The following UACA variants were observed in gnomAD, a reference collection of about 807,000 sequenced individuals.
The protein encoded by UACA is uveal autoantigen with coiled-coil domains and ankyrin repeats, also known as nuclear membrane binding protein.
UACA carries 112 observed loss-of-function variants against 160.5 expected under a neutral mutation model. The observed-to-expected ratio is 0.70, with a 90% CI of 0.60 to 0.82. The LOEUF is 0.82. Ranked by LOEUF, UACA falls within the 40% of genes least tolerant of loss-of-function variation. The pLI, the probability that UACA is intolerant of heterozygous loss-of-function variation, is 0.00. For missense variants in UACA, 1,574 were observed against 1,614.6 expected (o/e 0.97, Z 0.43); for synonymous variants, 557 against 568.4 (o/e 0.98, Z 0.29).
Position 70,668,435 on chromosome 15 carries a change from C to A in UACA, c.2249G>T (p.Ser750Ile). Residue 750 changes from serine (S) to isoleucine (I), a missense_variant, in exon 16 of 19, where the codon AGT becomes ATT. By Grantham distance (142) the Ser-to-Ile change is moderately radical. Coordinates refer to ENST00000322954, the MANE Select transcript of UACA (RefSeq NM_018003.4). ...MKNHYVPLKV[S>I]EDMKKSHDAI... ...ATCATGTGACTTTTTCATGTCTTCACTTACTTTTAAAGGAACATAATGATT... is the reference window on the plus strand; with the variant it reads ...ATCATGTGACTTTTTCATGTCTTCAATTACTTTTAAAGGAACATAATGATT... The A allele has an allele frequency of 6.2e-7, 1 of 1,612,140 alleles. No individual in the cohort carries two copies. The highest frequency in any genetic ancestry group is 1.1e-5 in the South Asian group (1 of 90,846).
chr15:70,664,540 A>G (rs954252513), intron 17 of UACA, 122 bp downstream of exon 17: 3 of 1,237,032 alleles, frequency 2.4e-6, no homozygotes, highest in African/African-American at 3.1e-5. Flanking sequence ...GCATATAAAA[A>G]TAATTATATT....
In UACA at chr15:70,696,471, C is replaced by T. The variant is rs1241005242; in HGVS notation, c.213-1366G>A. 2.0e-5 allele frequency among the ~76,000 whole-genome samples: 3 copies of T among 152,122 alleles called. 1 individual carries two copies. Among genetic ancestry groups the T allele is most frequent in the Non-Finnish European group, 4.4e-5 (3 of 68,016 alleles). ...AAAATCTGAAGATAGCTTACAAATT[C>T]GTTTCCAGATATTACAAGACTCAGT... is the stretch of plus-strand genomic sequence containing the variant. On this transcript the variant is annotated intron_variant, in intron 2 of 18. Coordinates refer to ENST00000322954, the MANE Select transcript of UACA (RefSeq NM_018003.4).
At chr15:70,751,001 G>A (rs546964968) in intron 1 of UACA, among the ~76,000 whole-genome samples, 1 of 152,096 alleles carries the variant, frequency 6.6e-6, no homozygotes, top group Admixed American at 6.6e-5. Flanking sequence ...TCATTGAATC[G>A]TTCACTTTAA....
chr15:70,679,340 T>C (rs950768180), intron 10 of UACA, among the ~76,000 whole-genome samples: 2 of 151,348 alleles, frequency 1.3e-5, no homozygotes, highest in Non-Finnish European at 2.9e-5. Flanking sequence ...GAGGCAGAGG[T>C]TGCAGTGAGC....
intron 5 of UACA, among the ~76,000 whole-genome samples, chr15:70,689,112 T>G (rs147892038): frequency 5.7e-4 from 87 of 152,226 alleles, no homozygotes; most frequent in African/African-American, 2.0e-3. Context: ...TCCACTAGGC[T>G]CTCTCCTCCT....
intron 9 of UACA, chr15:70,681,429 G>A (rs989800272): frequency 8.5e-5 from 13 of 152,186 alleles, no homozygotes; most frequent in African/African-American, 3.1e-4. Flanking sequence ...ATAAATGACG[G>A]AAACACAGTA....
In UACA at chr15:70,660,205, T is replaced by A. The variant is rs746078546; in HGVS notation, c.4125A>T (p.Arg1375Ser). The A allele has an allele frequency of 6.2e-7, 1 of 1,613,430 alleles. No individual in the cohort carries two copies. The highest frequency in any genetic ancestry group is 2.2e-5 in the East Asian group (1 of 44,848). ...AAATTGCAATTACTTCTTGGTGCTGTCTGTCAGCATCCTAGAAATGTGGAA... is the reference window on the plus strand; with the variant it reads ...AAATTGCAATTACTTCTTGGTGCTGACTGTCAGCATCCTAGAAATGTGGAA... ...SLEQQLADAD[R>S]QHQEVIAIYR... The change falls in exon 18 of 19, where the codon AGA (arginine) becomes AGT (serine). Residue 1375 changes from arginine (R) to serine (S), a missense_variant. By Grantham distance (110) the Arg-to-Ser change is moderately radical. Transcript: ENST00000322954.
chr15:70,709,560 T>G (rs1888822366), intron 1 of UACA, among the ~76,000 whole-genome samples: 1 of 152,186 alleles, frequency 6.6e-6, no homozygotes, highest in African/African-American at 2.4e-5. Context: ...TTTAAGTGTA[T>G]AAATGAAAAG....
At chr15:70,676,757 TA>T (rs1897315122) in intron 12 of UACA, among the ~76,000 whole-genome samples, 166 bp from the exon 13 acceptor site, 1 of 152,188 alleles carries the variant, frequency 6.6e-6, no homozygotes, top group South Asian at 2.1e-4. Context: ...TCTACAAATA[TA>T]CTAATGAAAC....
Position 70,654,609 on chromosome 15 carries a change from C to A in UACA, c.*2447G>T, listed in dbSNP as rs1896433554. 1 of 151,526 alleles carries A rather than the reference C, an allele frequency of 6.6e-6. No homozygotes were observed. Among genetic ancestry groups the A allele is most frequent in the Non-Finnish European group, 1.5e-5 (1 of 67,918 alleles). The allele number at this position is 151,526 out of a possible 1,614,324, so 9.4% of individuals were successfully genotyped here. On this transcript the variant is annotated 3_prime_UTR_variant, in exon 19 of 19. Transcript: ENST00000322954. ...AAAGACAATTATTTATAACACTGAC[C>A]CTCTATCAAAAAGAATATGCTTTTC...
intron 17 of UACA, among the ~76,000 whole-genome samples, chr15:70,663,932 A>G (rs956769781): frequency 6.6e-6 from 1 of 151,934 alleles, no homozygotes; most frequent in Admixed American, 6.6e-5. Flanking sequence ...TGACGAGTTA[A>G]TGGGTGCAGC....
intron 1 of UACA, among the ~76,000 whole-genome samples, chr15:70,719,047 A>G (rs1297936286): frequency 1.3e-5 from 2 of 151,676 alleles, no homozygotes; most frequent in Non-Finnish European, 2.9e-5. Flanking sequence ...GGGAGGAAGG[A>G]AGGGTAGAAA....
Position 70,668,382 on chromosome 15 carries a change from G to C in UACA, c.2302C>G (p.Leu768Val), listed in dbSNP as rs1256574910. Residue 768 changes from leucine (L) to valine (V), a missense_variant, in exon 16 of 19, where the codon CTT (leucine) becomes GTT (valine). Leu to Val is a conservative substitution (Grantham distance 32). Transcript: ENST00000322954. ...GTATATTTTTGTGTTACATCTAAAA[G>C]CTTTCTATTAAGATCATCAATAATT... ...DAIIDDLNRK[L>V]LDVTQKYTEK... 6.2e-7 allele frequency: 1 copy of C among 1,607,594 alleles called. No individual in the cohort carries two copies. Among genetic ancestry groups the C allele is most frequent in the African/African-American group, 1.3e-5 (1 of 74,438 alleles).
intron 17 of UACA, among the ~76,000 whole-genome samples, chr15:70,662,748 A>G (rs948072674): frequency 5.6e-4 from 86 of 152,358 alleles, no homozygotes; most frequent in African/African-American, 2.0e-3. Context: ...CCTGACAAAA[A>G]CAAGAAATGG....
At chr15:70,683,105 C>T (rs896597545) in intron 8 of UACA, among the ~76,000 whole-genome samples, 11 of 151,982 alleles carry the variant, frequency 7.2e-5, no homozygotes, top group Non-Finnish European at 1.2e-4. Flanking sequence ...CCTGTAATCC[C>T]AGCACTTTGG....
the UACA span, among the ~76,000 whole-genome samples, chr15:70,774,939 C>T: frequency 2.0e-5 from 3 of 151,894 alleles, no homozygotes; most frequent in African/African-American, 4.8e-5. Context: ...CCTGTAGTCC[C>T]AGCTACTGGT....
chr15:70,759,939 T>C (rs2030648077), intron 1 of UACA, among the ~76,000 whole-genome samples: 1 of 152,252 alleles, frequency 6.6e-6, no homozygotes, highest in Admixed American at 6.5e-5. Flanking sequence ...TAAGCTAATA[T>C]GCTGTATTCC....
At position 70,668,670 on chromosome 15, in the gene UACA, C is replaced by T; in HGVS notation, c.2014G>A (p.Glu672Lys). The change falls in exon 16 of 19, where the codon GAG becomes AAG. Residue 672 changes from glutamate to lysine, a missense_variant. Glu to Lys is a moderately conservative substitution (Grantham distance 56, BLOSUM62 1). Coordinates refer to ENST00000322954, the MANE Select transcript of UACA (RefSeq NM_018003.4). The stretch of plus-strand genomic sequence containing the variant: ...TGAGCAAGCTTGGCCTTAACATTCT[C>T]AAGTTCTCTCTTTAACTGTCTAATT... ...SEIRQLKREL[E>K]NVKAKLAQHV... 6.2e-7 allele frequency: 1 copy of T among 1,614,104 alleles called. No individual in the cohort carries two copies. The highest frequency in any genetic ancestry group is 8.5e-7 in the Non-Finnish European group (1 of 1,180,018).
At chr15:70,761,099 T>C (rs1473572687) in intron 1 of UACA, among the ~76,000 whole-genome samples, 1 of 152,046 alleles carries the variant, frequency 6.6e-6, no homozygotes, top group Admixed American at 6.6e-5. Context: ...AAGATATGAA[T>C]GGGGAGCCTC....
Sources: allele counts gnomAD v4.1 joint callset (sites outside exome capture counted in the v4.1 genomes callset), GRCh38; gene constraint gnomAD v4.1.1; transcripts MANE v1.5; gene names NCBI Gene and HGNC (gene_info 2026-07-23, HGNC 2026-07-21).